The following ZNF407 variants were observed in gnomAD, a reference collection of about 807,000 sequenced individuals.
ZNF407 encodes the protein zinc finger protein 407.
A neutral mutation model predicts 131.2 loss-of-function variants in ZNF407; 17 were observed. The ratio of observed to expected loss-of-function variants is 0.13; its 90% confidence interval spans 0.09 to 0.19. The LOEUF (loss-of-function observed/expected upper bound fraction) is 0.19. ZNF407 is among the 10% of genes least tolerant of loss of function. ZNF407 has a pLI of 1.00. For synonymous variants in ZNF407, 1,156 were observed against 1,062.0 expected (o/e 1.09, Z -1.72); for missense variants, 2,681 against 2,830.6 (o/e 0.95, Z 1.20).
At chr18:74,954,118 A>G (rs1972249078) in intron 8 of ZNF407, among the ~76,000 whole-genome samples, 1 of 152,232 alleles carries the variant, frequency 6.6e-6, no homozygotes, top group African/African-American at 2.4e-5. Flanking sequence ...TCAATATTTT[A>G]TAACAAAATT....
chr18:74,899,281 A>G (rs1037902795), intron 7 of ZNF407, among the ~76,000 whole-genome samples: 1 of 152,240 alleles, frequency 6.6e-6, no homozygotes, highest in Admixed American at 6.5e-5. Context: ...TTGCAAAGGT[A>G]CACGCAGAAA....
intron 3 of ZNF407, among the ~76,000 whole-genome samples, chr18:74,742,675 T>G (rs1469037160): frequency 1.3e-5 from 2 of 152,206 alleles, no homozygotes; most frequent in East Asian, 3.9e-4. Flanking sequence ...TTCGTTTTGC[T>G]TACTTGTAGA....
At chr18:74,677,497 A>T (rs913586162) in intron 3 of ZNF407, among the ~76,000 whole-genome samples, 4 of 152,062 alleles carry the variant, frequency 2.6e-5, no homozygotes, top group Non-Finnish European at 4.4e-5. Flanking sequence ...TGATGAGTTT[A>T]TCTCATGTTT....
At chr18:74,666,478 G>T (rs1171434999) in intron 3 of ZNF407, among the ~76,000 whole-genome samples, 1 of 152,152 alleles carries the variant, frequency 6.6e-6, no homozygotes, top group Non-Finnish European at 1.5e-5. Flanking sequence ...GTTGCCTTCC[G>T]TGTCTGGAGC....
intron 3 of ZNF407, among the ~76,000 whole-genome samples, chr18:74,757,830 G>C (rs1179562579): frequency 6.6e-6 from 1 of 151,992 alleles, no homozygotes; most frequent in East Asian, 1.9e-4. Context: ...TAGTACGTTT[G>C]TGTTTGTTCA....
chr18:74,623,337 T>TTGTGA (rs1321284739), intron 1 of ZNF407, among the ~76,000 whole-genome samples: 77,473 of 151,578 alleles, frequency 0.51, 21,104 homozygotes, highest in East Asian at 0.81. Context: ...TGAAACTGCA[T>TTGTGA]GTGTGAGTGT....
At chr18:74,821,441 C>A (rs569019759) in intron 4 of ZNF407, among the ~76,000 whole-genome samples, 1 of 151,540 alleles carries the variant, frequency 6.6e-6, no homozygotes, top group Admixed American at 6.6e-5. Flanking sequence ...CCACAACAGG[C>A]CCCCGTGTGT....
chr18:74,717,808 G>A (rs768488745), intron 3 of ZNF407, among the ~76,000 whole-genome samples: 2 of 152,064 alleles, frequency 1.3e-5, no homozygotes, highest in Admixed American at 6.5e-5. Context: ...GTTCAGCATC[G>A]CTAATCCAAA....
intron 8 of ZNF407, among the ~76,000 whole-genome samples, chr18:75,040,918 C>G (rs1210196019): frequency 6.6e-6 from 1 of 152,168 alleles, no homozygotes; most frequent in Non-Finnish European, 1.5e-5. Flanking sequence ...AGCACTGTTA[C>G]TAATGCTGTG....
chr18:74,661,849 C>T (rs1425264950), intron 3 of ZNF407, among the ~76,000 whole-genome samples: 2 of 152,158 alleles, frequency 1.3e-5, no homozygotes, highest in East Asian at 1.9e-4. Context: ...GAGAGTGCTG[C>T]GGCCATTTTG....
intron 3 of ZNF407, among the ~76,000 whole-genome samples, chr18:74,653,896 TATC>T (rs1402285870): frequency 1.3e-5 from 2 of 151,900 alleles, no homozygotes; most frequent in African/African-American, 2.4e-5. Flanking sequence ...GCTTATGTGT[TATC>T]ATGAACATGC....
At chr18:74,827,382 T>A (rs1970423048) in intron 4 of ZNF407, among the ~76,000 whole-genome samples, 1 of 152,182 alleles carries the variant, frequency 6.6e-6, no homozygotes, top group Non-Finnish European at 1.5e-5. Flanking sequence ...TTGACATTTC[T>A]TTTCACTTTA....
intron 3 of ZNF407, among the ~76,000 whole-genome samples, chr18:74,648,833 G>A (rs1337710484): frequency 6.6e-6 from 1 of 152,188 alleles, no homozygotes; most frequent in Non-Finnish European, 1.5e-5. Flanking sequence ...AATTTCAGTT[G>A]GGACAGGAAA....
intron 4 of ZNF407, among the ~76,000 whole-genome samples, chr18:74,810,997 C>T (rs1445086026): frequency 6.6e-6 from 1 of 152,008 alleles, no homozygotes; most frequent in African/African-American, 2.4e-5. Context: ...AACAAAACAC[C>T]AAAAACAAAA....
intron 4 of ZNF407, among the ~76,000 whole-genome samples, chr18:74,786,092 A>G (rs28655647): frequency 0.015 from 2,280 of 152,326 alleles, 62 homozygotes; most frequent in African/African-American, 0.048. Context: ...AAGATATTCT[A>G]TTCATCATAT....
chr18:74,741,847 C>G (rs1197038561), intron 3 of ZNF407, among the ~76,000 whole-genome samples: 1 of 152,124 alleles, frequency 6.6e-6, no homozygotes, highest in Non-Finnish European at 1.5e-5. Flanking sequence ...TACTTGGAAT[C>G]TGTCATGCTC....
At chr18:74,647,762 G>A (rs1332506203) in intron 3 of ZNF407, among the ~76,000 whole-genome samples, 1 of 152,152 alleles carries the variant, frequency 6.6e-6, no homozygotes, top group East Asian at 1.9e-4. Context: ...TGTGGGCATG[G>A]TGACAAGGTG....
intron 1 of ZNF407, among the ~76,000 whole-genome samples, chr18:74,615,165 G>A (rs1196421373): frequency 6.6e-6 from 1 of 152,358 alleles, no homozygotes; most frequent in East Asian, 1.9e-4. Context: ...GCCTGGAGCA[G>A]AATGTTTGCT....
At chr18:74,916,844 G>T (rs532324132) in intron 7 of ZNF407, among the ~76,000 whole-genome samples, 24 of 151,888 alleles carry the variant, frequency 1.6e-4, no homozygotes, top group Admixed American at 1.0e-3. Context: ...TGCAGCATTG[G>T]TTTGAGGAAG....
Sources: allele counts gnomAD v4.1 joint callset (sites outside exome capture counted in the v4.1 genomes callset), GRCh38; gene constraint gnomAD v4.1.1; transcripts MANE v1.5; gene names NCBI Gene and HGNC (gene_info 2026-07-23, HGNC 2026-07-21).